Variants in WBP2NL observed in about 807,000 individuals in gnomAD.
The protein encoded by WBP2NL is postacrosomal sheath WW domain-binding protein.
In WBP2NL, 27 loss-of-function variants were observed where a neutral mutation model predicts 23.3. The observed-to-expected ratio is 1.16, with a 90% confidence interval of 0.85 to 1.60. WBP2NL has a LOEUF of 1.60. WBP2NL is among the 40% of genes most tolerant of loss of function. The pLI is 0.00. For missense variants in WBP2NL, 370 were observed against 389.5 expected, an observed-to-expected ratio of 0.95 and a Z score of 0.42; for synonymous variants, 151 against 145.9, an observed-to-expected ratio of 1.03 and a Z score of -0.25.
At chr22:42,007,502 G>A (rs1289069107) in intron 1 of WBP2NL, among the ~76,000 whole-genome samples, 1 of 152,104 alleles carries the variant, frequency 6.6e-6, no homozygotes, top group Non-Finnish European at 1.5e-5. Flanking sequence ...AGTACTCTGA[G>A]TGCCCACTTC....
intron 1 of WBP2NL, among the ~76,000 whole-genome samples, chr22:42,006,291 G>A (rs940055387): frequency 6.7e-6 from 1 of 148,960 alleles, no homozygotes; most frequent in Admixed American, 6.8e-5. Context: ...CACGATCTCC[G>A]CTCACTGCAA....
At chr22:42,042,352 G>A (rs1007071978) in intron 8 of WBP2NL, among the ~76,000 whole-genome samples, 1 of 151,974 alleles carries the variant, frequency 6.6e-6, no homozygotes, top group South Asian at 2.1e-4. Context: ...GTACATTTTA[G>A]TTCTTTTTTC....
At chr22:42,046,024 A>G (rs1318092514) in intron 8 of WBP2NL, among the ~76,000 whole-genome samples, 4 of 152,214 alleles carry the variant, frequency 2.6e-5, no homozygotes, top group Non-Finnish European at 4.4e-5. Context: ...TGATTTGGCC[A>G]ATGTGTAATA....
intron 1 of WBP2NL, among the ~76,000 whole-genome samples, chr22:42,018,457 G>A (rs1923547921): frequency 6.7e-6 from 1 of 149,776 alleles, no homozygotes; most frequent in Admixed American, 6.7e-5. Flanking sequence ...GGGAAGGAGG[G>A]AGGGAGAAAG....
At chr22:42,006,595 A>G (rs943917784) in intron 1 of WBP2NL, among the ~76,000 whole-genome samples, 1 of 152,222 alleles carries the variant, frequency 6.6e-6, no homozygotes, top group African/African-American at 2.4e-5. Flanking sequence ...TTAAAAATGT[A>G]AAAAAGACTG....
Position 41,998,798 on chromosome 22 carries a change from C to T in WBP2NL, c.-21C>T. The T allele has an allele frequency of 1.9e-6, 3 of 1,604,414 alleles. No individual in the cohort carries two copies. The highest frequency in any genetic ancestry group is 2.2e-5 in the East Asian group (1 of 44,696). On this transcript the variant is annotated 5_prime_UTR_variant, in exon 1 of 6. Coordinates refer to ENST00000328823, the MANE Select transcript of WBP2NL (RefSeq NM_152613.3). ...GTCCCGCCCCTTTCCATCTACGGGG[C>T]GGCAGGAGGCCCGAAGCAAGATGGC...
rs569784225 is a variant in WBP2NL at position 42,044,307 on chromosome 22, G to A, written c.*273+13484G>A. Among the ~76,000 whole-genome samples, 16 of 151,904 alleles carry A rather than the reference G, an allele frequency of 1.1e-4. 1 individual carries two copies. In the South Asian group the frequency reaches 3.3e-3, roughly 32 times the overall value. On this transcript the variant is annotated intron_variant and NMD_transcript_variant, in intron 8 of 8. Coordinates refer to the WBP2NL transcript ENST00000436265. The stretch of plus-strand genomic sequence containing the variant: ...GCTGGTCTTGAACTCCTGGCCTGAA[G>A]CGATCCTCCCACTTCAGCCACCCAA...
At chr22:42,053,898 T>C (rs60292793) in intron 8 of WBP2NL, among the ~76,000 whole-genome samples, 10,964 of 152,234 alleles carry the variant, frequency 0.072, 1,343 homozygotes, top group African/African-American at 0.25. Flanking sequence ...AGACCCTAGT[T>C]GGAGTATATG....
intron 5 of WBP2NL, 107 bp from the exon 6 acceptor site, chr22:42,026,659 C>A: frequency 6.7e-7 from 1 of 1,503,042 alleles, no homozygotes; most frequent in South Asian, 1.3e-5. Context: ...TGCCTGACTT[C>A]TCTTCTTGCG....
chr22:42,016,482 A>T (rs1923320326), intron 1 of WBP2NL, among the ~76,000 whole-genome samples: 1 of 152,206 alleles, frequency 6.6e-6, no homozygotes, highest in Non-Finnish European at 1.5e-5. Context: ...AGCTGCTGCC[A>T]AGCTAGTAGT....
intron 1 of WBP2NL, among the ~76,000 whole-genome samples, chr22:41,999,710 T>G (rs1921400164): frequency 6.6e-6 from 1 of 152,162 alleles, no homozygotes; most frequent in Non-Finnish European, 1.5e-5. Context: ...TGGGCTGCAG[T>G]GAGCTCAGAT....
At position 42,048,775 on chromosome 22, in the gene WBP2NL, G is replaced by A. The variant is rs201342731; in HGVS notation, c.*274-9515G>A. 1.0e-4 allele frequency among the ~76,000 whole-genome samples: 15 copies of A among 147,760 alleles called. No homozygotes were observed. In the East Asian group the frequency reaches 1.8e-3, roughly 18 times the overall value. ...GGTCTCAAAAAAAAAAAAAAGAAAA[G>A]AAAAAAAAGAAACCCTCAGCAAACT... On this transcript the variant is annotated intron_variant and NMD_transcript_variant, in intron 8 of 8. Transcript: ENST00000436265.
At position 42,019,192 on chromosome 22, in the gene WBP2NL, G is replaced by A. The variant is rs548647208; in HGVS notation, c.63-119G>A. 1,489 of 853,272 alleles carry A rather than the reference G, an allele frequency of 1.7e-3. 15 individuals are homozygous for A. The Middle Eastern group carries it at 0.021, about 12-fold the overall frequency. 52.9% of individuals were successfully genotyped at this position (853,272 alleles called of 1,614,324 possible). On this transcript the variant is annotated intron_variant, in intron 1 of 5. Transcript: ENST00000328823. ...GGTGAAATCGTGCCACTGCACTCCCGCCTGGGCAACAGAGTAAGACTCTGT... is the reference window on the plus strand; with the variant it reads ...GGTGAAATCGTGCCACTGCACTCCCACCTGGGCAACAGAGTAAGACTCTGT...
downstream of WBP2NL, chr22:42,032,566 G>GTA (rs1393866299): frequency 6.9e-5 from 20 of 291,432 alleles, no homozygotes; most frequent in South Asian, 6.2e-4. Flanking sequence ...AATCATGTAT[G>GTA]TATATATATA....
intron 1 of WBP2NL, among the ~76,000 whole-genome samples, chr22:42,009,552 A>G (rs894176397): frequency 1.7e-4 from 26 of 152,214 alleles, no homozygotes. Flanking sequence ...TTCTAAAAGG[A>G]CATCATTTGT....
At chr22:41,999,031 C>G in intron 1 of WBP2NL, 151 bp downstream of exon 1, 4 of 957,332 alleles carry the variant, frequency 4.2e-6, no homozygotes. Context: ...GGAGCGCGCG[C>G]CCCTCACTGG....
At chr22:42,035,513 A>G (rs1238276466), downstream of WBP2NL, among the ~76,000 whole-genome samples, 3 of 152,244 alleles carry the variant, frequency 2.0e-5, no homozygotes, top group African/African-American at 7.2e-5. Flanking sequence ...TCCATGGAGC[A>G]TGCAGCCCTG....
At chr22:42,043,779 T>G (rs1286029884) in intron 8 of WBP2NL, among the ~76,000 whole-genome samples, 1 of 151,670 alleles carries the variant, frequency 6.6e-6, no homozygotes, top group Non-Finnish European at 1.5e-5. Flanking sequence ...CAGGCTAGAG[T>G]GCAGTGGCGC....
downstream of WBP2NL, among the ~76,000 whole-genome samples, chr22:42,036,074 T>A (rs1388673369): frequency 1.3e-5 from 2 of 152,264 alleles, no homozygotes; most frequent in Non-Finnish European, 2.9e-5. Flanking sequence ...GAAGGACATT[T>A]AGGTTGTTTC....
Sources: allele counts gnomAD v4.1 joint callset (sites outside exome capture counted in the v4.1 genomes callset), GRCh38; gene constraint gnomAD v4.1.1; transcripts MANE v1.5; gene names NCBI Gene and HGNC (gene_info 2026-07-23, HGNC 2026-07-21).